Variants in SEL1L2 observed in about 807,000 individuals in gnomAD.
SEL1L2 encodes the protein protein sel-1 homolog 2.
Under a neutral mutation model 98.8 loss-of-function variants are expected in SEL1L2, and 89 were observed. That is an observed-to-expected ratio of 0.90 (90% CI 0.76 to 1.07). SEL1L2 has a LOEUF of 1.07. Ranked by LOEUF, SEL1L2 falls within the 50% of genes least tolerant of loss-of-function variation. SEL1L2 has a pLI of 0.00. For missense variants in SEL1L2, 788 were observed against 812.0 expected, an observed-to-expected ratio of 0.97 and a Z score of 0.36; for synonymous variants, 262 against 278.5, an observed-to-expected ratio of 0.94 and a Z score of 0.59.
At chr20:13,925,481 G>A (rs1406856520) in intron 3 of SEL1L2, among the ~76,000 whole-genome samples, 2 of 152,244 alleles carry the variant, frequency 1.3e-5, no homozygotes, top group Non-Finnish European at 2.9e-5. Flanking sequence ...CTTGATATTT[G>A]CCTACGATGG....
chr20:13,969,989 C>T (rs148348683), intron 1 of SEL1L2, among the ~76,000 whole-genome samples: 5 of 151,484 alleles, frequency 3.3e-5, no homozygotes, highest in East Asian at 1.9e-4. Flanking sequence ...TTTTATTCTA[C>T]GGATTGTAAG....
At chr20:13,955,057 T>G (rs2050462246) in intron 2 of SEL1L2, among the ~76,000 whole-genome samples, 1 of 152,210 alleles carries the variant, frequency 6.6e-6, no homozygotes, top group Non-Finnish European at 1.5e-5. Flanking sequence ...ATTTAAGATT[T>G]ACTCATTAAT....
At chr20:13,993,428 A>C (rs957917011), upstream of SEL1L2, among the ~76,000 whole-genome samples, 1 of 152,216 alleles carries the variant, frequency 6.6e-6, no homozygotes, top group African/African-American at 2.4e-5. Flanking sequence ...CAAGTACTTT[A>C]GGGATGTTAA....
intron 2 of SEL1L2, among the ~76,000 whole-genome samples, chr20:13,932,859 A>C (rs1182972604): frequency 1.3e-5 from 2 of 152,098 alleles, no homozygotes; most frequent in Non-Finnish European, 2.9e-5. Flanking sequence ...CAAAGACATC[A>C]GAGCAATGAC....
At chr20:13,940,633 C>G (rs1218077188) in intron 2 of SEL1L2, among the ~76,000 whole-genome samples, 4 of 152,144 alleles carry the variant, frequency 2.6e-5, no homozygotes, top group Non-Finnish European at 4.4e-5. Context: ...GATTATACAG[C>G]ATCATGAGTG....
intron 1 of SEL1L2, among the ~76,000 whole-genome samples, chr20:13,984,112 T>G (rs1323318024): frequency 1.3e-5 from 2 of 151,560 alleles, no homozygotes; most frequent in Non-Finnish European, 2.9e-5. Context: ...CCTGGGTTCA[T>G]GTGATTCTCC....
At chr20:13,869,407 C>A in intron 14 of SEL1L2, 96 bp downstream of exon 14, 1 of 934,822 alleles carries the variant, frequency 1.1e-6, no homozygotes, top group Non-Finnish European at 1.7e-6. Flanking sequence ...TCTGTCTAAA[C>A]CACTCACACC....
In SEL1L2 at chr20:13,877,093, G is replaced by A. The variant is rs185866192; in HGVS notation, c.1026+427C>T. ...ACCTGCCTCAGCCTCCCAAAGTGCT[G>A]GGATTACAGGCGTGAGCCACCGTGC... On this transcript the variant is annotated intron_variant, in intron 11 of 19. Coordinates refer to ENST00000284951, the MANE Select transcript of SEL1L2 (RefSeq NM_025229.2). Among the ~76,000 whole-genome samples the A allele has an allele frequency of 7.9e-4, 120 of 152,240 alleles. 1 individual carries two copies. Among genetic ancestry groups the A allele is most frequent in the African/African-American group, 2.8e-3 (118 of 41,558 alleles).
At chr20:13,892,374 T>G (rs1468939264) in intron 5 of SEL1L2, among the ~76,000 whole-genome samples, 7 of 151,712 alleles carry the variant, frequency 4.6e-5, no homozygotes, top group African/African-American at 7.3e-5. Flanking sequence ...TGCTTGAACC[T>G]GAGAGGTGGA....
intron 18 of SEL1L2, chr20:13,851,327 A>G (rs1988221722): frequency 6.6e-6 from 1 of 152,134 alleles, no homozygotes; most frequent in South Asian, 2.1e-4. Context: ...TACTTACCAT[A>G]CCTGAAGTTC....
Position 13,850,425 on chromosome 20 carries a change from G to A in SEL1L2, c.1819-106C>T, listed in dbSNP as rs1002386614. 2.7e-5 allele frequency: 34 copies of A among 1,250,400 alleles called. No homozygotes were observed. In the African/African-American group the frequency reaches 4.3e-4, roughly 16 times the overall value. The allele number at this position is 1,250,400 out of a possible 1,614,324, so 77.5% of individuals were successfully genotyped here. On this transcript the variant is annotated intron_variant, in intron 18 of 19. Transcript: ENST00000284951. Reference sequence around the variant, plus strand: ...AATTAAGGTTACAGGTCTTAAGATAGGGAGATTATCATGGATTATCCAAGT... The same window carrying A: ...AATTAAGGTTACAGGTCTTAAGATAAGGAGATTATCATGGATTATCCAAGT...
intron 3 of SEL1L2, among the ~76,000 whole-genome samples, chr20:13,928,931 C>T (rs1183533527): frequency 1.3e-5 from 2 of 152,122 alleles, no homozygotes; most frequent in African/African-American, 4.8e-5. Flanking sequence ...TTTGGCTTGG[C>T]TATCATCCTC....
intron 10 of SEL1L2, among the ~76,000 whole-genome samples, chr20:13,883,047 C>G (rs2046788347): frequency 6.6e-6 from 1 of 152,078 alleles, no homozygotes; most frequent in East Asian, 1.9e-4. Flanking sequence ...GTCTCGATCT[C>G]CTGACCTCGT....
At chr20:13,957,395 C>T (rs1351854867) in intron 1 of SEL1L2, among the ~76,000 whole-genome samples, 7 of 152,252 alleles carry the variant, frequency 4.6e-5, no homozygotes, top group Non-Finnish European at 7.3e-5. Context: ...AGCTGCTGCG[C>T]CCAGCCCATT....
chr20:13,935,547 G>A (rs1029655072), intron 2 of SEL1L2, among the ~76,000 whole-genome samples: 1 of 152,212 alleles, frequency 6.6e-6, no homozygotes, highest in Non-Finnish European at 1.5e-5. Flanking sequence ...AGTTCTGACA[G>A]AGGCAATGGC....
At chr20:13,903,850 G>C (rs1392675559) in intron 5 of SEL1L2, among the ~76,000 whole-genome samples, 1 of 152,102 alleles carries the variant, frequency 6.6e-6, no homozygotes, top group Non-Finnish European at 1.5e-5. Context: ...ATAGGGTCAC[G>C]AGGAGAATCC....
chr20:13,865,423 A>G lies in SEL1L2; in HGVS notation c.1496T>C (p.Leu499Pro), dbSNP rs1057341607. 6.2e-7 allele frequency: 1 copy of G among 1,614,190 alleles called. No individual in the cohort carries two copies. Among genetic ancestry groups the G allele is most frequent in the Non-Finnish European group, 8.5e-7 (1 of 1,180,020 alleles). The change falls in exon 16 of 20, where the codon CTT (leucine) becomes CCT (proline). Residue 499 changes from leucine (L) to proline (P), a missense_variant. Transcript: ENST00000284951. Reference protein sequence around the residue: ...AYKDGDIDSSLVQYALLAEMG... With the variant: ...AYKDGDIDSSPVQYALLAEMG... ...TTCTGCAAGCAGTGCATACTGAACA[A>G]GAGAAGAATCTATATCACCATCCTT... is the stretch of plus-strand genomic sequence containing the variant.
chr20:13,852,344 G>A (rs1988403215), intron 18 of SEL1L2, among the ~76,000 whole-genome samples: 1 of 152,154 alleles, frequency 6.6e-6, no homozygotes, highest in Non-Finnish European at 1.5e-5. Context: ...CAGTGTGTGT[G>A]GGGCTGGGGG....
intron 1 of SEL1L2, among the ~76,000 whole-genome samples, chr20:13,988,984 G>T (rs988448916): frequency 1.3e-5 from 2 of 152,184 alleles, no homozygotes; most frequent in African/African-American, 4.8e-5. Flanking sequence ...TTGCACTCCA[G>T]CCTGGGCAAC....
Sources: gnomAD v4.1 joint callset for allele counts (sites outside exome capture counted in the v4.1 genomes callset) on GRCh38, gnomAD v4.1.1 for gene constraint, MANE v1.5 for transcripts, NCBI Gene and HGNC (gene_info 2026-07-23, HGNC 2026-07-21) for gene names.